Variants in GRIK2 observed in about 807,000 individuals in gnomAD.
GRIK2 encodes the protein glutamate ionotropic receptor kainate type subunit 2.
Under a neutral mutation model 100.3 loss-of-function variants are expected in GRIK2, and 32 were observed. The observed-to-expected ratio is 0.32, with a 90% CI of 0.24 to 0.43. GRIK2 has a LOEUF of 0.43. Among genes scored for constraint, GRIK2 ranks in the 20% least tolerant of loss-of-function variants. GRIK2 has a pLI of 1.00. For missense variants in GRIK2, 843 were observed against 1,114.9 expected, an observed-to-expected ratio of 0.76 and a Z score of 3.47; for synonymous variants, 417 against 389.4, an observed-to-expected ratio of 1.07 and a Z score of -0.83.
At chr6:102,023,223 G>C (rs1177545415) in intron 14 of GRIK2, among the ~76,000 whole-genome samples, 1 of 151,492 alleles carries the variant, frequency 6.6e-6, no homozygotes, top group Non-Finnish European at 1.5e-5. Context: ...GATTAATTCT[G>C]TTGTGAAGGG....
At chr6:101,577,748 G>T (rs1219440200) in intron 2 of GRIK2, among the ~76,000 whole-genome samples, 2 of 152,056 alleles carry the variant, frequency 1.3e-5, no homozygotes, top group African/African-American at 4.8e-5. Context: ...TATTACCCAG[G>T]TCTCTCCTTA....
intron 7 of GRIK2, among the ~76,000 whole-genome samples, chr6:101,790,192 C>A (rs1438487399): frequency 6.6e-6 from 1 of 151,932 alleles, no homozygotes. Flanking sequence ...ATTGAATACC[C>A]TTTATTTCCT....
intron 2 of GRIK2, among the ~76,000 whole-genome samples, chr6:101,565,929 ATATGTG>A (rs1468778943): frequency 0.028 from 2,008 of 72,124 alleles, 36 homozygotes; most frequent in Middle Eastern, 0.052. Context: ...ATATATATAT[ATATGTG>A]TATATATATA....
chr6:102,007,759 T>TTTAA (rs1795317427), intron 14 of GRIK2, among the ~76,000 whole-genome samples: 1 of 151,812 alleles, frequency 6.6e-6, no homozygotes, highest in Non-Finnish European at 1.5e-5. Flanking sequence ...AGGAAAGAGG[T>TTTAA]TTAATTCACT....
intron 14 of GRIK2, among the ~76,000 whole-genome samples, chr6:101,987,025 C>G (rs1265910532): frequency 2.0e-5 from 3 of 151,692 alleles, no homozygotes; most frequent in African/African-American, 7.3e-5. Flanking sequence ...CAACTGTAGA[C>G]TTAGCTACTT....
intron 1 of GRIK2, among the ~76,000 whole-genome samples, chr6:101,395,015 G>C (rs2852504): frequency 6.6e-6 from 1 of 151,964 alleles, no homozygotes; most frequent in Non-Finnish European, 1.5e-5. Context: ...ACTTATTTTA[G>C]TGTCTAAAAA....
At chr6:101,528,046 G>A (rs1379546854) in intron 2 of GRIK2, among the ~76,000 whole-genome samples, 2 of 152,098 alleles carry the variant, frequency 1.3e-5, no homozygotes, top group Non-Finnish European at 2.9e-5. Flanking sequence ...AGTGTGCTGT[G>A]TGAGTTGCTG....
At chr6:101,581,327 T>C (rs1009064453) in intron 2 of GRIK2, among the ~76,000 whole-genome samples, 2 of 151,820 alleles carry the variant, frequency 1.3e-5, no homozygotes, top group Non-Finnish European at 2.9e-5. Context: ...TATGTATATA[T>C]AATTAAGGAG....
Position 101,989,012 on chromosome 6 carries a change from A to G in GRIK2, c.2086-46329A>G, listed in dbSNP as rs181344475. ...TTAGGATGATAATATCACATGGAGG[A>G]AAACTATCAGAGTCCATACTTGTTA... is the stretch of plus-strand genomic sequence containing the variant. On this transcript the variant is annotated intron_variant, in intron 14 of 16. Transcript: ENST00000369134. 9.9e-5 allele frequency among the ~76,000 whole-genome samples: 15 copies of G among 152,118 alleles called. No individual in the cohort carries two copies. In the East Asian group the frequency reaches 2.5e-3, roughly 26 times the overall value.
chr6:102,041,799 TAAA>T (rs36035681), intron 15 of GRIK2, among the ~76,000 whole-genome samples: 3 of 148,746 alleles, frequency 2.0e-5, no homozygotes, highest in East Asian at 2.0e-4. Flanking sequence ...TTTAGAAAAT[TAAA>T]AAAAAAAAGT....
chr6:101,931,281 A>G (rs1408333957), intron 14 of GRIK2, among the ~76,000 whole-genome samples: 1 of 152,138 alleles, frequency 6.6e-6, no homozygotes, highest in Non-Finnish European at 1.5e-5. Context: ...GTGTATTTAC[A>G]TTTTATACAA....
At chr6:101,816,478 G>A (rs1036894449) in intron 9 of GRIK2, among the ~76,000 whole-genome samples, 4 of 152,088 alleles carry the variant, frequency 2.6e-5, no homozygotes, top group Non-Finnish European at 4.4e-5. Context: ...TCAAGAGATC[G>A]AGACCAAACT....
intron 4 of GRIK2, among the ~76,000 whole-genome samples, chr6:101,650,203 A>C (rs1781720524): frequency 6.6e-6 from 1 of 152,178 alleles, no homozygotes. Context: ...TAAAATACTA[A>C]TAATTCCAAG....
chr6:101,438,687 T>C (rs1233951431), intron 2 of GRIK2, among the ~76,000 whole-genome samples: 1 of 152,096 alleles, frequency 6.6e-6, no homozygotes, highest in Admixed American at 6.6e-5. Flanking sequence ...CCAGTAAATA[T>C]ATATAAGGTA....
chr6:102,028,951 TACCTC>T (rs1769846465), intron 14 of GRIK2, among the ~76,000 whole-genome samples: 1 of 151,322 alleles, frequency 6.6e-6, no homozygotes, highest in African/African-American at 2.4e-5. Flanking sequence ...AATTTGTTGT[TACCTC>T]AATTATTTGC....
chr6:101,771,483 TG>T (rs1422560248), intron 7 of GRIK2, among the ~76,000 whole-genome samples: 1 of 151,712 alleles, frequency 6.6e-6, no homozygotes, highest in Admixed American at 6.6e-5. Flanking sequence ...TGCCTGAGGT[TG>T]CAATTTTTTG....
chr6:101,415,500 A>C (rs895803311), intron 2 of GRIK2, among the ~76,000 whole-genome samples: 3 of 150,602 alleles, frequency 2.0e-5, no homozygotes, highest in Non-Finnish European at 4.4e-5. Context: ...CCTCACAAGT[A>C]GCTGTGAATA....
intron 4 of GRIK2, among the ~76,000 whole-genome samples, chr6:101,630,253 A>C (rs1433039985): frequency 2.0e-5 from 3 of 152,096 alleles, no homozygotes; most frequent in Non-Finnish European, 4.4e-5. Flanking sequence ...GCTGAGTCAA[A>C]TGTCGTTCTA....
At chr6:101,398,727 C>T in intron 1 of GRIK2, 1 of 319,842 alleles carries the variant, frequency 3.1e-6, no homozygotes. Flanking sequence ...CAACTCAAGG[C>T]GGGCTGTCAG....
Sources: gnomAD v4.1 joint callset for allele counts (sites outside exome capture counted in the v4.1 genomes callset) on GRCh38, gnomAD v4.1.1 for gene constraint, MANE v1.5 for transcripts, NCBI Gene and HGNC (gene_info 2026-07-23, HGNC 2026-07-21) for gene names.